Variants in FOCAD observed in about 807,000 individuals in gnomAD.
FOCAD encodes KIAA1797.
Under a neutral mutation model 225.6 loss-of-function variants are expected in FOCAD, and 198 were observed. That is an observed-to-expected ratio of 0.88 (90% CI 0.78 to 0.99). FOCAD has a LOEUF of 0.99. Ranked by LOEUF, FOCAD falls within the 50% of genes least tolerant of loss-of-function variation. The probability of loss-of-function intolerance (pLI) is 0.00; values close to 1 mark genes in which losing one functional copy is unlikely to be tolerated. For missense variants in FOCAD, 2,713 were observed against 2,123.6 expected (o/e 1.28, Z -5.46); for synonymous variants, 897 against 755.0 (o/e 1.19, Z -3.08).
chr9:20,968,306 TATTC>T (rs1371892714), intron 35 of FOCAD, among the ~76,000 whole-genome samples: 1 of 152,064 alleles, frequency 6.6e-6, no homozygotes, highest in African/African-American at 2.4e-5. Context: ...AATGTTTCCA[TATTC>T]ATTTCTGATT....
intron 6 of FOCAD, among the ~76,000 whole-genome samples, chr9:20,763,368 A>G (rs1829782031): frequency 6.6e-6 from 1 of 152,126 alleles, no homozygotes. Context: ...AGGCAGGAGG[A>G]TTGCTTGAGC....
chr9:20,866,779 A>C lies in FOCAD; in HGVS notation c.2107-150A>C, dbSNP rs1048505289. 7 of 520,506 alleles carry C rather than the reference A, an allele frequency of 1.3e-5. No individual in the cohort carries two copies. In the African/African-American group the frequency reaches 1.4e-4, roughly 10 times the overall value. 32.2% of individuals were successfully genotyped at this position (520,506 alleles called of 1,614,324 possible). A position where few individuals can be genotyped will look rare whatever the true frequency, so the allele number is the denominator to read the frequency against. Reference sequence around the variant, plus strand: ...TATCCTTTTAGCTAGGCAAAGCTTTAATACCATTTTCAAAGCACTGACTGT... The same window carrying C: ...TATCCTTTTAGCTAGGCAAAGCTTTCATACCATTTTCAAAGCACTGACTGT... On this transcript the variant is annotated intron_variant, in intron 17 of 43. Coordinates refer to ENST00000338382, the MANE Select transcript of FOCAD (RefSeq NM_001375567.1).
At chr9:20,979,661 T>G (rs1296979918) in intron 37 of FOCAD, among the ~76,000 whole-genome samples, 1 of 152,098 alleles carries the variant, frequency 6.6e-6, no homozygotes, top group Non-Finnish European at 1.5e-5. Flanking sequence ...TTTAAACCTT[T>G]CCTACTCCTC....
intron 35 of FOCAD, among the ~76,000 whole-genome samples, chr9:20,958,937 T>C (rs956825211): frequency 6.6e-6 from 1 of 152,190 alleles, no homozygotes; most frequent in African/African-American, 2.4e-5. Flanking sequence ...TCCATTCATC[T>C]ATTGTTGGAC....
intron 20 of FOCAD, 74 bp downstream of exon 20, chr9:20,882,130 T>TAATG (rs1830721990): frequency 1.5e-6 from 2 of 1,329,362 alleles, no homozygotes; most frequent in East Asian, 4.6e-5. Flanking sequence ...AAGTAGGATA[T>TAATG]AATGGGCCAT....
At chr9:20,776,078 A>G (rs1818725904) in intron 8 of FOCAD, among the ~76,000 whole-genome samples, 1 of 152,154 alleles carries the variant, frequency 6.6e-6, no homozygotes, top group Non-Finnish European at 1.5e-5. Flanking sequence ...GGAGTGAAGT[A>G]TGGAAGGTGG....
chr9:20,726,392 C>T (rs1370891177), intron 4 of FOCAD: 1 of 152,196 alleles, frequency 6.6e-6, no homozygotes, highest in Non-Finnish European at 1.5e-5. Context: ...CCTGTAATTT[C>T]AGCTCAACTG....
At chr9:20,962,979 T>G (rs1341038528) in intron 35 of FOCAD, among the ~76,000 whole-genome samples, 1 of 152,244 alleles carries the variant, frequency 6.6e-6, no homozygotes, top group Non-Finnish European at 1.5e-5. Context: ...TAGTTCACTG[T>G]GTTCTCCCTT....
At chr9:20,891,325 C>A (rs1831593955) in intron 21 of FOCAD, among the ~76,000 whole-genome samples, 1 of 152,150 alleles carries the variant, frequency 6.6e-6, no homozygotes, top group African/African-American at 2.4e-5. Context: ...TACATATCTA[C>A]CACTTGAAAC....
At chr9:20,740,854 A>C (rs757020539) in intron 5 of FOCAD, among the ~76,000 whole-genome samples, 9 of 152,224 alleles carry the variant, frequency 5.9e-5, no homozygotes, top group Non-Finnish European at 1.2e-4. Flanking sequence ...TAAAATACAC[A>C]CAGTAGCAAT....
intron 7 of FOCAD, among the ~76,000 whole-genome samples, chr9:20,766,905 A>G (rs1830095992): frequency 6.6e-6 from 1 of 152,008 alleles, no homozygotes; most frequent in Non-Finnish European, 1.5e-5. Flanking sequence ...TACATGTGCC[A>G]TGCTGGTGCA....
intron 22 of FOCAD, among the ~76,000 whole-genome samples, chr9:20,912,434 T>G (rs190672113): frequency 6.6e-6 from 1 of 152,244 alleles, no homozygotes; most frequent in Non-Finnish European, 1.5e-5. Context: ...CTTACCGGAA[T>G]CTTAAGTGTT....
chr9:20,938,979 A>G (rs1836329852), intron 28 of FOCAD, among the ~76,000 whole-genome samples: 1 of 149,470 alleles, frequency 6.7e-6, no homozygotes, highest in Non-Finnish European at 1.5e-5. Context: ...TTAAAAATTG[A>G]AAAAAAAATA....
At chr9:20,783,148 G>T (rs1587144140) in intron 10 of FOCAD, among the ~76,000 whole-genome samples, 1 of 152,124 alleles carries the variant, frequency 6.6e-6, no homozygotes. Context: ...ATTTACTGAG[G>T]ATCACCCCAA....
intron 21 of FOCAD, among the ~76,000 whole-genome samples, chr9:20,903,373 T>C (rs1832705933): frequency 6.6e-6 from 1 of 152,016 alleles, no homozygotes; most frequent in East Asian, 1.9e-4. Flanking sequence ...GCTGCCTTTA[T>C]CTCTTTCCTG....
chr9:20,846,828 A>G (rs770399917), intron 15 of FOCAD, among the ~76,000 whole-genome samples: 5 of 152,158 alleles, frequency 3.3e-5, no homozygotes, highest in Admixed American at 6.6e-5. Flanking sequence ...ACTGATGCCA[A>G]GAGAAGACAT....
intron 1 of FOCAD, among the ~76,000 whole-genome samples, chr9:20,692,765 A>T (rs1398863837): frequency 6.6e-6 from 1 of 152,188 alleles, no homozygotes; most frequent in Admixed American, 6.5e-5. Flanking sequence ...TGAGGCCGGG[A>T]CTTAGAACTT....
intron 11 of FOCAD, among the ~76,000 whole-genome samples, chr9:20,810,280 A>T (rs776490293): frequency 1.3e-5 from 2 of 152,126 alleles, no homozygotes; most frequent in Non-Finnish European, 2.9e-5. Context: ...TATCTAGCTT[A>T]GTTACATAGT....
intron 35 of FOCAD, among the ~76,000 whole-genome samples, chr9:20,964,446 T>C (rs1839063614): frequency 6.6e-6 from 1 of 152,106 alleles, no homozygotes; most frequent in Admixed American, 6.5e-5. Flanking sequence ...AAAATATTTC[T>C]TGAACTCCCA....
Sources: gnomAD v4.1 joint callset for allele counts (sites outside exome capture counted in the v4.1 genomes callset) on GRCh38, gnomAD v4.1.1 for gene constraint, MANE v1.5 for transcripts, NCBI Gene and HGNC (gene_info 2026-07-23, HGNC 2026-07-21) for gene names.